DENND11: variants seen among roughly 807,000 people sequenced by gnomAD.
DENND11 encodes DENN domain-containing protein 11.
In DENND11, 34 loss-of-function variants were observed where a neutral mutation model predicts 49.2. That is an observed-to-expected ratio of 0.69 (90% CI 0.53 to 0.92). The LOEUF (loss-of-function observed/expected upper bound fraction) is 0.92, where lower values mean the gene tolerates loss of function less well. DENND11 is among the 40% of genes least tolerant of loss of function. DENND11 has a pLI of 0.00. For missense variants in DENND11, 475 were observed against 581.6 expected (o/e 0.82, Z 1.88); for synonymous variants, 238 against 230.3 (o/e 1.03, Z -0.30).
At chr7:141,662,883 A>T in intron 8 of DENND11, 32 bp from the exon 9 acceptor site, 1 of 1,472,132 alleles carries the variant, frequency 6.8e-7, no homozygotes, top group Non-Finnish European at 9.1e-7. Context: ...CAGGAAAGGA[A>T]GCGGGGGGGA....
At position 141,659,020 on chromosome 7, in the gene DENND11, A is replaced by G. The variant is rs1797745599; in HGVS notation, c.*3636T>C. On this transcript the variant is annotated 3_prime_UTR_variant, in exon 9 of 9. Transcript: ENST00000536163. The stretch of plus-strand genomic sequence containing the variant: ...AGTGTCATCGGTAGTCACATGATCA[A>G]CAAATGTTCACATGTGGCATCTGGA... 1 of 152,516 alleles carries G rather than the reference A, an allele frequency of 6.6e-6. No homozygotes were observed. The highest frequency in any genetic ancestry group is 1.5e-5 in the Non-Finnish European group (1 of 68,052). 9.4% of individuals were successfully genotyped at this position (152,516 alleles called of 1,614,324 possible).
intron 4 of DENND11, among the ~76,000 whole-genome samples, chr7:141,671,074 G>A (rs1797972996): frequency 6.6e-6 from 1 of 152,178 alleles, no homozygotes; most frequent in Admixed American, 6.5e-5. Context: ...TGGCTTTCTA[G>A]TTTTCTACCA....
At chr7:141,701,588 T>A (rs1798518193) in intron 1 of DENND11, 1 of 199,628 alleles carries the variant, frequency 5.0e-6, no homozygotes, top group South Asian at 1.9e-4. Context: ...CGAACACCAC[T>A]GTGGGGCTGG....
chr7:141,693,537 A>G (rs1798360673), intron 1 of DENND11, among the ~76,000 whole-genome samples: 1 of 151,828 alleles, frequency 6.6e-6, no homozygotes, highest in African/African-American at 2.4e-5. Context: ...CAAAACCTGC[A>G]CACAGATGTT....
intron 3 of DENND11, among the ~76,000 whole-genome samples, chr7:141,685,022 A>G (rs1404534461): frequency 9.8e-6 from 1 of 102,146 alleles, no homozygotes; most frequent in Non-Finnish European, 2.0e-5. Flanking sequence ...CAAAAAAAAA[A>G]AAAAAAAATA....
chr7:141,684,232 T>C (rs923857383), intron 3 of DENND11, among the ~76,000 whole-genome samples: 3 of 152,224 alleles, frequency 2.0e-5, no homozygotes, highest in African/African-American at 7.2e-5. Context: ...CCACCATTCC[T>C]GATCAATTTT....
chr7:141,664,550 C>T (rs1015804345), intron 7 of DENND11, among the ~76,000 whole-genome samples: 2 of 152,276 alleles, frequency 1.3e-5, no homozygotes, highest in South Asian at 2.1e-4. Flanking sequence ...TCTAATACGG[C>T]GACCAACACA....
Position 141,702,108 on chromosome 7 carries a change from C to A in DENND11, c.46G>T (p.Gly16Cys). Residue 16 changes from glycine (G) to cysteine (C), a missense_variant, in exon 1 of 9, where the codon GGC becomes TGC. By Grantham distance (159) the Gly-to-Cys change is radical (BLOSUM62 -3). Transcript: ENST00000536163. ...GCCTGCGGCAGGGAGACGGCGGGGC[C>A]CTCGGCCCAGCGCAGCAGCGGCGCC... ...DAAPLLRWAEGPAVSLPQAPQ... is the reference protein window; with the variant it reads ...DAAPLLRWAECPAVSLPQAPQ... The A allele has an allele frequency of 1.0e-6, 1 of 984,340 alleles. No homozygotes were observed. Among genetic ancestry groups the A allele is most frequent in the South Asian group, 4.6e-5 (1 of 21,886 alleles). 61.0% of individuals were successfully genotyped at this position (984,340 alleles called of 1,614,324 possible). A position where few individuals can be genotyped will look rare whatever the true frequency, so the allele number is the denominator to read the frequency against.
rs923276415 is a variant in DENND11, at chr7:141,657,317, C to G, written c.*5339G>C. ...CTCATCCAGGTTGGCTGCTCAAACA[C>G]CAAGAATCTCCACCATTCTTCACTT... On this transcript the variant is annotated 3_prime_UTR_variant, in exon 9 of 9. Transcript: ENST00000536163. The G allele has an allele frequency of 1.3e-5, 2 of 152,216 alleles. No individual in the cohort carries two copies. The highest frequency in any genetic ancestry group is 4.8e-5 in the African/African-American group (2 of 41,434). 9.4% of individuals were successfully genotyped at this position (152,216 alleles called of 1,614,324 possible).
At chr7:141,668,964 C>A (rs1233942327) in intron 4 of DENND11, among the ~76,000 whole-genome samples, 1 of 152,196 alleles carries the variant, frequency 6.6e-6, no homozygotes, top group African/African-American at 2.4e-5. Context: ...TCTTTTCACT[C>A]CAATTTCTTT....
At chr7:141,673,854 T>C (rs1798023131) in intron 4 of DENND11, among the ~76,000 whole-genome samples, 1 of 152,230 alleles carries the variant, frequency 6.6e-6, no homozygotes, top group South Asian at 2.1e-4. Context: ...CTTTATACTA[T>C]GATTACAGAA....
In DENND11 at chr7:141,674,072, T is replaced by A. The variant is rs754519684; in HGVS notation, c.676A>T (p.Met226Leu). 1.9e-6 allele frequency: 3 copies of A among 1,605,712 alleles called. No individual in the cohort carries two copies. Among genetic ancestry groups the A allele is most frequent in the Non-Finnish European group, 2.6e-6 (3 of 1,176,420 alleles). The change falls in exon 4 of 9, where the codon ATG (methionine) becomes TTG (leucine). Residue 226 changes from methionine (M) to leucine (L), a missense_variant. Physicochemically the swap from Met to Leu is conservative, Grantham distance 15 (BLOSUM62 2). Transcript: ENST00000536163. Reference sequence around the variant, plus strand: ...AAAAGCAGGGCTAACCTCACCTTCATCTCAGGGTACATGTATCGGTGGATG... The same window carrying A: ...AAAAGCAGGGCTAACCTCACCTTCAACTCAGGGTACATGTATCGGTGGATG... The part of the protein sequence containing the change: ...PSIHRYMYPE[M>L]KITHPAGCMS...
intron 1 of DENND11, among the ~76,000 whole-genome samples, chr7:141,696,562 T>A (rs1017330323): frequency 2.6e-5 from 4 of 152,186 alleles, no homozygotes; most frequent in Admixed American, 2.6e-4. Flanking sequence ...CTCTTCCAGC[T>A]CCTCTGACCT....
chr7:141,697,749 A>T lies in DENND11; in HGVS notation c.268+4137T>A, dbSNP rs115467541. On this transcript the variant is annotated intron_variant, in intron 1 of 8. Coordinates refer to ENST00000536163, the MANE Select transcript of DENND11 (RefSeq NM_001080392.2). The stretch of plus-strand genomic sequence containing the variant: ...TGGGCCTCCATCATCTCCATTGTTT[A>T]AAAAAAAAATGCTTATGTTTCATAG... 9.3e-3 allele frequency among the ~76,000 whole-genome samples: 1,378 copies of T among 148,580 alleles called. 21 individuals carry two copies. Among genetic ancestry groups the T allele is most frequent in the African/African-American group, 0.033 (1,320 of 39,714 alleles).
At chr7:141,677,994 G>C (rs911373975) in intron 3 of DENND11, among the ~76,000 whole-genome samples, 3 of 149,428 alleles carry the variant, frequency 2.0e-5, no homozygotes, top group Admixed American at 2.0e-4. Context: ...ATGGAGTCTC[G>C]CTCTGTTGCC....
At chr7:141,698,738 C>T (rs1233232099) in intron 1 of DENND11, among the ~76,000 whole-genome samples, 1 of 152,188 alleles carries the variant, frequency 6.6e-6, no homozygotes, top group African/African-American at 2.4e-5. Flanking sequence ...CACACACACA[C>T]ACACCCTTTC....
intron 3 of DENND11, among the ~76,000 whole-genome samples, chr7:141,678,326 T>G (rs1044964289): frequency 6.6e-6 from 1 of 152,226 alleles, no homozygotes; most frequent in Non-Finnish European, 1.5e-5. Context: ...TATTTGCACA[T>G]GGGAAAAGAC....
chr7:141,678,853 T>C (rs1024458762), intron 3 of DENND11, among the ~76,000 whole-genome samples: 1 of 152,204 alleles, frequency 6.6e-6, no homozygotes, highest in Non-Finnish European at 1.5e-5. Context: ...CAAGGTAAAA[T>C]GTGGTTATGA....
Position 141,666,354 on chromosome 7 carries a change from T to C in DENND11, c.753A>G (p.Lys251=), listed in dbSNP as rs760800581. The C allele has an allele frequency of 6.2e-6, 10 of 1,613,314 alleles. No homozygotes were observed. The East Asian group carries it at 2.2e-4, about 36-fold the overall frequency. ...FFGEQILILW[K]FALLRKRILI... ...AAATGCGCTTTCGAAGTAAGGCAAA[T>C]TTCCAGAGGATGAGGATCTGTTCTC... The change falls in exon 5 of 9, where the codon AAA becomes AAG. Residue 251 remains lysine, a synonymous_variant. Transcript: ENST00000536163.
Sources: gnomAD v4.1 joint callset for allele counts (sites outside exome capture counted in the v4.1 genomes callset) on GRCh38, gnomAD v4.1.1 for gene constraint, MANE v1.5 for transcripts, NCBI Gene and HGNC (gene_info 2026-07-23, HGNC 2026-07-21) for gene names.